WDR70: variants seen among roughly 807,000 people sequenced by gnomAD.
The protein encoded by WDR70 is WD repeat-containing protein 70.
A neutral mutation model predicts 88.6 loss-of-function variants in WDR70; 53 were observed. The observed-to-expected ratio is 0.60, with a 90% confidence interval of 0.48 to 0.75. The LOEUF is 0.75. Ranked by LOEUF, WDR70 falls within the 30% of genes least tolerant of loss-of-function variation. WDR70 has a pLI of 0.00. For synonymous variants in WDR70, 280 were observed against 270.0 expected, an observed-to-expected ratio of 1.04 and a Z score of -0.36; for missense variants, 610 against 823.2, an observed-to-expected ratio of 0.74 and a Z score of 3.17.
rs182006381 is a variant in WDR70 at position 37,673,022 on chromosome 5, A to G, written c.1093-24633A>G. Among the ~76,000 whole-genome samples the G allele has an allele frequency of 8.5e-5, 13 of 152,176 alleles. 1 individual carries two copies. In the East Asian group the frequency reaches 2.5e-3, roughly 29 times the overall value. On this transcript the variant is annotated intron_variant, in intron 10 of 17. Transcript: ENST00000265107. ...CCAGGTATTAAGCCTAGTACCTATTAGTTGTTTTTCCTGATCCTCTCTCTC... is the reference window on the plus strand; with the variant it reads ...CCAGGTATTAAGCCTAGTACCTATTGGTTGTTTTTCCTGATCCTCTCTCTC...
intron 9 of WDR70, among the ~76,000 whole-genome samples, chr5:37,567,165 C>T (rs12519439): frequency 0.053 from 8,053 of 152,072 alleles, 332 homozygotes; most frequent in Admixed American, 0.073. Flanking sequence ...TAAAAGATAC[C>T]TGGAGTCTGG....
At chr5:37,680,762 C>T (rs1417724734) in intron 10 of WDR70, among the ~76,000 whole-genome samples, 1 of 152,132 alleles carries the variant, frequency 6.6e-6, no homozygotes, top group Non-Finnish European at 1.5e-5. Flanking sequence ...GTCTACGTGT[C>T]TGTTCTTGTA....
At position 37,502,804 on chromosome 5, in the gene WDR70, A is replaced by G. The variant is rs141043279; in HGVS notation, c.841-13710A>G. 5.0e-3 allele frequency among the ~76,000 whole-genome samples: 763 copies of G among 152,286 alleles called. 8 individuals carry two copies. Among genetic ancestry groups the G allele is most frequent in the South Asian group, 0.029 (141 of 4,826 alleles). On this transcript the variant is annotated intron_variant, in intron 8 of 17. Transcript: ENST00000265107. The stretch of plus-strand genomic sequence containing the variant: ...AGATACTTCACATGGTGGAAGCAGA[A>G]GCGAGAGAGAGAGTGAGCGGGGACT...
At chr5:37,671,896 C>T (rs879839264) in intron 10 of WDR70, among the ~76,000 whole-genome samples, 3 of 151,954 alleles carry the variant, frequency 2.0e-5, no homozygotes, top group Admixed American at 6.6e-5. Flanking sequence ...GGGACTTTTC[C>T]TGTAGGGAAA....
chr5:37,488,422 A>T lies in WDR70; in HGVS notation c.840+8435A>T, dbSNP rs138649600. ...GCCATTGATCTCTTCACCTCCTGGA[A>T]CACCCACAATTCAGATATTTGGTTG... On this transcript the variant is annotated intron_variant, in intron 8 of 17. Transcript: ENST00000265107. Among the ~76,000 whole-genome samples the T allele has an allele frequency of 1.3e-3, 204 of 151,800 alleles. 2 individuals are homozygous for T. Among genetic ancestry groups the T allele is most frequent in the East Asian group, 0.01 (53 of 5,172 alleles).
At chr5:37,606,406 G>A (rs777571644) in intron 10 of WDR70, among the ~76,000 whole-genome samples, 4 of 151,992 alleles carry the variant, frequency 2.6e-5, no homozygotes, top group Non-Finnish European at 5.9e-5. Context: ...TTTAGTAACT[G>A]GTTTTCATCA....
intron 6 of WDR70, among the ~76,000 whole-genome samples, chr5:37,440,558 C>A (rs528602492): frequency 6.6e-6 from 1 of 152,068 alleles, no homozygotes; most frequent in African/African-American, 2.4e-5. Flanking sequence ...TTGGCCAGGC[C>A]GGTCTTGAAC....
chr5:37,656,617 G>T (rs1009745280), intron 10 of WDR70, among the ~76,000 whole-genome samples: 13 of 152,248 alleles, frequency 8.5e-5, no homozygotes, highest in African/African-American at 3.1e-4. Context: ...GACTGGGGCT[G>T]CTGCCTTTCT....
At chr5:37,648,379 C>T (rs907949840) in intron 10 of WDR70, among the ~76,000 whole-genome samples, 1 of 151,980 alleles carries the variant, frequency 6.6e-6, no homozygotes, top group African/African-American at 2.4e-5. Context: ...TGTTTTTATG[C>T]CAAATATCCT....
intron 5 of WDR70, among the ~76,000 whole-genome samples, chr5:37,400,510 T>TG (rs1561838028): frequency 5.5e-4 from 83 of 152,126 alleles, no homozygotes; most frequent in African/African-American, 2.0e-3. Flanking sequence ...ATAAAAAGAG[T>TG]CACCAGAAAG....
chr5:37,653,328 T>C (rs1745459391), intron 10 of WDR70, among the ~76,000 whole-genome samples: 1 of 152,240 alleles, frequency 6.6e-6, no homozygotes, highest in African/African-American at 2.4e-5. Context: ...GATGTGCTGC[T>C]GGATTCAGTT....
intron 3 of WDR70, among the ~76,000 whole-genome samples, chr5:37,390,943 T>C (rs1019978236): frequency 6.6e-6 from 1 of 151,988 alleles, no homozygotes; most frequent in African/African-American, 2.4e-5. Flanking sequence ...CTCGAACTCC[T>C]GACCTCCAGT....
chr5:37,733,474 AT>A (rs559930689), intron 17 of WDR70, among the ~76,000 whole-genome samples: 1 of 152,174 alleles, frequency 6.6e-6, no homozygotes, highest in South Asian at 2.1e-4. Context: ...AGAACTTTTT[AT>A]TGTATAATTT....
At chr5:37,658,541 C>T (rs1351101536) in intron 10 of WDR70, among the ~76,000 whole-genome samples, 2 of 152,040 alleles carry the variant, frequency 1.3e-5, no homozygotes, top group Admixed American at 1.3e-4. Flanking sequence ...CTTTCAAAAC[C>T]CCCCTTAAAT....
At chr5:37,712,238 G>A (rs1238798623) in intron 13 of WDR70, among the ~76,000 whole-genome samples, 3 of 151,990 alleles carry the variant, frequency 2.0e-5, no homozygotes, top group South Asian at 2.1e-4. Context: ...TGATCCACCC[G>A]CCTCGGCCTC....
intron 17 of WDR70, among the ~76,000 whole-genome samples, chr5:37,739,490 C>T (rs16903711): frequency 1.3e-5 from 2 of 152,074 alleles, no homozygotes; most frequent in Non-Finnish European, 2.9e-5. Context: ...CTAGAAGACA[C>T]AGAATGGGTA....
chr5:37,486,392 A>T (rs1460789434), intron 8 of WDR70, among the ~76,000 whole-genome samples: 1 of 150,742 alleles, frequency 6.6e-6, no homozygotes, highest in East Asian at 2.0e-4. Context: ...CCTAAGCTGG[A>T]GAGTGCAGTG....
chr5:37,457,875 G>A (rs148217645), intron 7 of WDR70, among the ~76,000 whole-genome samples: 1,937 of 151,900 alleles, frequency 0.013, 27 homozygotes, highest in Non-Finnish European at 0.018. Context: ...GAATAGGAGC[G>A]GTGAGAGAGG....
rs10060629 is a variant in WDR70 at position 37,379,642 on chromosome 5, C to G, written c.91+88C>G. On this transcript the variant is annotated intron_variant, in intron 2 of 17. Coordinates refer to ENST00000265107, the MANE Select transcript of WDR70 (RefSeq NM_018034.4). ...GGGAGTGGAGATCGAGCTGTCAACT[C>G]GGAATTATTGTAGCTCGGGTGCATA... The G allele has an allele frequency of 9.8e-4, 1,385 of 1,420,470 alleles. 12 individuals are homozygous for G. The African/African-American group carries it at 0.017, about 18-fold the overall frequency. The allele number at this position is 1,420,470 out of a possible 1,614,324, so 88.0% of individuals were successfully genotyped here.
Sources: gnomAD v4.1 joint callset for allele counts (sites outside exome capture counted in the v4.1 genomes callset) on GRCh38, gnomAD v4.1.1 for gene constraint, MANE v1.5 for transcripts, NCBI Gene and HGNC (gene_info 2026-07-23, HGNC 2026-07-21) for gene names.